Variants in EPB41 observed in about 807,000 individuals in gnomAD.
EPB41 encodes protein 4.1.
A neutral mutation model predicts 108.0 loss-of-function variants in EPB41; 65 were observed. That is an observed-to-expected ratio of 0.60 (90% CI 0.49 to 0.74). The LOEUF (loss-of-function observed/expected upper bound fraction) is 0.74, where lower values mean the gene tolerates loss of function less well. Among genes scored for constraint, EPB41 ranks in the 30% least tolerant of loss-of-function variants. EPB41 has a pLI of 0.00. For missense variants in EPB41, 875 were observed against 1,037.0 expected (o/e 0.84, Z 2.15); for synonymous variants, 336 against 358.9 (o/e 0.94, Z 0.72).
chr1:28,989,722 C>A (rs761517818), intron 2 of EPB41, among the ~76,000 whole-genome samples: 1 of 152,096 alleles, frequency 6.6e-6, no homozygotes, highest in Non-Finnish European at 1.5e-5. Context: ...GGGTTCAAAT[C>A]GAAGAAAAGT....
At chr1:28,960,031 A>C in intron 1 of EPB41, among the ~76,000 whole-genome samples, 1 of 125,500 alleles carries the variant, frequency 8.0e-6, no homozygotes, top group Non-Finnish European at 1.6e-5. Flanking sequence ...ACAGGATCTC[A>C]CTCTGTTTCC....
rs575445041 is a variant in EPB41 at position 29,104,677 on chromosome 1, G to A, written c.2314-4659G>A. 2.6e-5 allele frequency among the ~76,000 whole-genome samples: 4 copies of A among 152,118 alleles called. No individual in the cohort carries two copies. In the South Asian group the frequency reaches 8.3e-4, roughly 32 times the overall value. ...CAGCTCACTGCAACGTCTGCCTTCC[G>A]GGTTCAAGCAATTCTCCTGCCTCAG... is the stretch of plus-strand genomic sequence containing the variant. On this transcript the variant is annotated intron_variant, in intron 17 of 20. Transcript: ENST00000343067.
At chr1:28,889,722 G>C in intron 1 of EPB41, 1 of 733,358 alleles carries the variant, frequency 1.4e-6, no homozygotes, top group Non-Finnish European at 1.7e-6. Flanking sequence ...TGGTGGGAGT[G>C]AGGAGGGGAG....
At chr1:28,992,565 TG>T (rs1457069681) in intron 2 of EPB41, among the ~76,000 whole-genome samples, 1 of 152,150 alleles carries the variant, frequency 6.6e-6, no homozygotes, top group African/African-American at 2.4e-5. Flanking sequence ...GGCGGGCGCC[TG>T]TAGTCCCAGC....
At chr1:28,984,487 T>C (rs1308335760) in intron 1 of EPB41, among the ~76,000 whole-genome samples, 1 of 152,230 alleles carries the variant, frequency 6.6e-6, no homozygotes, top group East Asian at 1.9e-4. Context: ...CTGTTGTATT[T>C]CTAGCACGTA....
In EPB41 at chr1:28,901,078, T is replaced by C. The variant is rs574352545; in HGVS notation, c.-8+13868T>C. On this transcript the variant is annotated intron_variant, in intron 1 of 16. Coordinates refer to the EPB41 transcript ENST00000347529. ...CTGAGTAGCTGGGATTATAGGTGCC[T>C]GCCACCAAGCCCGGCTAATTTTTTG... 3.5e-4 allele frequency among the ~76,000 whole-genome samples: 52 copies of C among 149,046 alleles called. 1 individual carries two copies. Among genetic ancestry groups the C allele is most frequent in the Admixed American group, 1.1e-3 (16 of 15,018 alleles).
chr1:28,943,329 C>T (rs2094370017), intron 1 of EPB41, among the ~76,000 whole-genome samples: 1 of 152,170 alleles, frequency 6.6e-6, no homozygotes, highest in Non-Finnish European at 1.5e-5. Context: ...AGGTGCTCAA[C>T]ATCACTGATC....
rs934872244 is a variant in EPB41, at chr1:29,115,390, C to T, written c.2497-309C>T. Reference sequence around the variant, plus strand: ...CCTGGGTGACGGAGCGAGACTCCATCTCAACAACAACAAAAAATAAAAAAA... The same window carrying T: ...CCTGGGTGACGGAGCGAGACTCCATTTCAACAACAACAAAAAATAAAAAAA... On this transcript the variant is annotated intron_variant, in intron 19 of 20. Coordinates refer to ENST00000343067, the MANE Select transcript of EPB41 (RefSeq NM_001376013.1). This position sits in a 1 kb window ranked among gnomAD's most constrained non-coding sequence, Gnocchi z 4.4. Among the ~76,000 whole-genome samples the T allele has an allele frequency of 6.6e-6, 1 of 151,952 alleles. No homozygotes were observed. The highest frequency in any genetic ancestry group is 1.9e-4 in the East Asian group (1 of 5,190).
chr1:29,098,422 G>C (rs895570646), intron 17 of EPB41, among the ~76,000 whole-genome samples: 2 of 152,114 alleles, frequency 1.3e-5, no homozygotes, highest in Non-Finnish European at 2.9e-5. Context: ...GTCTTGATCC[G>C]CTGACCTCGT....
Position 29,039,262 on chromosome 1 carries a change from C to T in EPB41, c.1472C>T (p.Ser491Phe). 2.5e-6 allele frequency: 4 copies of T among 1,613,938 alleles called. No individual in the cohort carries two copies. The highest frequency in any genetic ancestry group is 3.4e-6 in the Non-Finnish European group (4 of 1,179,936). The change falls in exon 11 of 21, where the codon TCT becomes TTT. Residue 491 changes from serine to phenylalanine, a missense_variant. Around this residue, in one of 3 missense-constraint regions of EPB41, gnomAD observed 519 missense variants for 627.3 expected, o/e 0.83. Transcript: ENST00000343067. The stretch of plus-strand genomic sequence containing the variant: ...TACGATTTTCCCCCCAGATTGACAT[C>T]TACAGACACCATTCCCAAAAGCAAA... ...VEHHTFFRLT[S>F]TDTIPKSKFL...
upstream of EPB41, chr1:28,910,925 G>C: frequency 1.0e-6 from 1 of 967,666 alleles, no homozygotes; most frequent in Non-Finnish European, 1.2e-6. Context: ...CTGGGGCTTG[G>C]GGCATAGCAC....
At chr1:29,069,379 AAACTTT>A in intron 16 of EPB41, 1 of 1,230,222 alleles carries the variant, frequency 8.1e-7, no homozygotes, top group Non-Finnish European at 1.0e-6. Flanking sequence ...TGGGGAGAAA[AAACTTT>A]CTTTAAAAGT....
At chr1:29,065,966 CAAAA>C (rs71022389) in intron 16 of EPB41, 28 of 90,984 alleles carry the variant, frequency 3.1e-4, no homozygotes, top group Non-Finnish European at 5.1e-4. Flanking sequence ...GACCCTGTCT[CAAAA>C]AAAAAAAAAA....
chr1:29,002,257 GT>G lies in EPB41; in HGVS notation c.786+4942del, dbSNP rs559525906. 3.8e-3 allele frequency among the ~76,000 whole-genome samples: 576 copies of G among 152,104 alleles called. 6 individuals carry two copies. Among genetic ancestry groups the G allele is most frequent in the African/African-American group, 0.013 (534 of 41,490 alleles). On this transcript the variant is annotated intron_variant, in intron 4 of 20. Coordinates refer to ENST00000343067, the MANE Select transcript of EPB41 (RefSeq NM_001376013.1). ...GCAAGTGGATCACTTGAGCCCAGGA[GT>G]TTTGAGACTAGTGAAACCCTGTCTC... is the stretch of plus-strand genomic sequence containing the variant.
intron 16 of EPB41, among the ~76,000 whole-genome samples, chr1:29,087,346 T>C (rs1434202084): frequency 6.6e-6 from 1 of 151,950 alleles, no homozygotes; most frequent in East Asian, 1.9e-4. Context: ...GGCAGCAAAA[T>C]ACCTATAAAA....
chr1:29,044,008 A>C (rs1572973601), intron 11 of EPB41, among the ~76,000 whole-genome samples: 1 of 152,354 alleles, frequency 6.6e-6, no homozygotes, highest in Non-Finnish European at 1.5e-5. Flanking sequence ...AGAGTAGCAG[A>C]GTTGGGGATA....
At chr1:28,909,430 T>C (rs2092097854) in intron 1 of EPB41, among the ~76,000 whole-genome samples, 1 of 151,770 alleles carries the variant, frequency 6.6e-6, no homozygotes, top group Non-Finnish European at 1.5e-5. Context: ...ATTGCACAGC[T>C]GCACTCCAGC....
chr1:28,888,568 A>G (rs1164167562), intron 1 of EPB41, among the ~76,000 whole-genome samples: 3 of 152,262 alleles, frequency 2.0e-5, no homozygotes, highest in African/African-American at 7.2e-5. Flanking sequence ...TGTCAGACAG[A>G]CACTTCGGAA....
At chr1:28,982,610 T>C in intron 1 of EPB41, 1 of 1,437,664 alleles carries the variant, frequency 7.0e-7, no homozygotes, top group Admixed American at 1.7e-5. Context: ...AACTTGCCCA[T>C]TTCGGCAGCA....
Sources: allele counts gnomAD v4.1 joint callset (sites outside exome capture counted in the v4.1 genomes callset), GRCh38; gene constraint gnomAD v4.1.1; regional missense constraint gnomAD v4.1.1; non-coding constraint Gnocchi (gnomAD v3.1); transcripts MANE v1.5; gene names NCBI Gene and HGNC (gene_info 2026-07-23, HGNC 2026-07-21).